The following TMEM132C variants were observed in gnomAD, a reference collection of about 807,000 sequenced individuals.
TMEM132C encodes the protein transmembrane protein 132C.
In TMEM132C, 29 loss-of-function variants were observed where a neutral mutation model predicts 61.4. The observed-to-expected ratio is 0.47, with a 90% confidence interval of 0.35 to 0.64. The LOEUF (loss-of-function observed/expected upper bound fraction) is 0.64, where lower values mean the gene tolerates loss of function less well. Ranked by LOEUF, TMEM132C falls within the 30% of genes least tolerant of loss-of-function variation. The pLI is 0.00. For synonymous variants in TMEM132C, 656 were observed against 633.1 expected, an observed-to-expected ratio of 1.04 and a Z score of -0.54; for missense variants, 1,408 against 1,476.9, an observed-to-expected ratio of 0.95 and a Z score of 0.76.
intron 3 of TMEM132C, among the ~76,000 whole-genome samples, chr12:128,598,043 A>G (rs6486705): frequency 0.73 from 110,943 of 152,224 alleles, 41,261 homozygotes; most frequent in Non-Finnish European, 0.8. Flanking sequence ...ACGTCCTCCT[A>G]ACGTGACAGC....
At position 128,574,352 on chromosome 12, in the gene TMEM132C, G is replaced by C. The variant is rs182049177; in HGVS notation, c.1121+30249G>C. ...CTCTCAAGCACCAGCTACATGCCGGGTACTGGCTGAAGCGCTTCGCTGCTA... is the reference window on the plus strand; with the variant it reads ...CTCTCAAGCACCAGCTACATGCCGGCTACTGGCTGAAGCGCTTCGCTGCTA... On this transcript the variant is annotated intron_variant, in intron 3 of 8. Transcript: ENST00000435159. Among the ~76,000 whole-genome samples, 289 of 152,354 alleles carry C rather than the reference G, an allele frequency of 1.9e-3. 2 individuals carry two copies. The highest frequency in any genetic ancestry group is 3.2e-3 in the Non-Finnish European group (221 of 68,042).
chr12:128,500,991 C>CAGTT (rs1872156758), intron 2 of TMEM132C, among the ~76,000 whole-genome samples: 1 of 152,128 alleles, frequency 6.6e-6, no homozygotes, highest in Admixed American at 6.5e-5. Context: ...ATACTATGGA[C>CAGTT]AGTTATTCAG....
At chr12:128,616,014 C>A in intron 3 of TMEM132C, 138 bp from the exon 4 acceptor site, 2 of 1,041,488 alleles carry the variant, frequency 1.9e-6, no homozygotes, top group Non-Finnish European at 2.7e-6. Context: ...TGGTTCCATG[C>A]CCCAGGATCC....
intron 2 of TMEM132C, among the ~76,000 whole-genome samples, chr12:128,473,824 C>T (rs1871068700): frequency 1.3e-5 from 2 of 152,160 alleles, no homozygotes; most frequent in African/African-American, 4.8e-5. Flanking sequence ...GGATTAAGGA[C>T]CCACCTAGAA....
chr12:128,620,230 C>G (rs374601080), intron 4 of TMEM132C, among the ~76,000 whole-genome samples: 16 of 84,144 alleles, frequency 1.9e-4, no homozygotes, highest in African/African-American at 1.1e-3. Flanking sequence ...GAGACCCTGT[C>G]TCAAAAAAAA....
chr12:128,478,089 G>A (rs1871209171), intron 2 of TMEM132C, among the ~76,000 whole-genome samples: 1 of 152,104 alleles, frequency 6.6e-6, no homozygotes, highest in African/African-American at 2.4e-5. Context: ...TTTTAAAGTT[G>A]CAACAGTTTG....
intron 1 of TMEM132C, among the ~76,000 whole-genome samples, chr12:128,333,766 T>A (rs1219998407): frequency 6.7e-6 from 1 of 150,232 alleles, no homozygotes; most frequent in East Asian, 2.0e-4. Context: ...TTTGAGAGTT[T>A]GTGGTATGTA....
At chr12:128,603,117 T>A (rs957724419) in intron 3 of TMEM132C, among the ~76,000 whole-genome samples, 4 of 152,186 alleles carry the variant, frequency 2.6e-5, no homozygotes, top group African/African-American at 9.7e-5. Context: ...CTAGGGGTCT[T>A]CATGACACAT....
At chr12:128,646,181 G>A (rs565467725) in intron 4 of TMEM132C, among the ~76,000 whole-genome samples, 10 of 152,268 alleles carry the variant, frequency 6.6e-5, no homozygotes, top group African/African-American at 2.2e-4. Context: ...TTGGATATGA[G>A]TGTGTTTACT....
intron 1 of TMEM132C, among the ~76,000 whole-genome samples, chr12:128,398,087 G>C (rs56385911): frequency 0.14 from 20,889 of 152,212 alleles, 1,705 homozygotes; most frequent in East Asian, 0.2. Context: ...AAGCTCAGAG[G>C]CCTCATCCAT....
intron 1 of TMEM132C, among the ~76,000 whole-genome samples, chr12:128,410,450 T>A (rs1868496726): frequency 1.3e-5 from 2 of 152,188 alleles, no homozygotes. Context: ...GTCTCCAGGC[T>A]AGAGTGCAGT....
intron 1 of TMEM132C, among the ~76,000 whole-genome samples, chr12:128,389,522 C>T (rs1346569244): frequency 6.6e-6 from 1 of 152,170 alleles, no homozygotes; most frequent in Non-Finnish European, 1.5e-5. Flanking sequence ...ACATAGGTAC[C>T]ATGCTAGCAG....
intron 2 of TMEM132C, among the ~76,000 whole-genome samples, chr12:128,508,833 G>T (rs550826036): frequency 1.3e-5 from 2 of 152,312 alleles, no homozygotes; most frequent in Admixed American, 1.3e-4. Flanking sequence ...TGGCATGAGG[G>T]TCATCATATC....
At chr12:128,513,347 G>C (rs922600908) in intron 2 of TMEM132C, among the ~76,000 whole-genome samples, 3 of 152,124 alleles carry the variant, frequency 2.0e-5, no homozygotes, top group Non-Finnish European at 4.4e-5. Context: ...GAGACAAGCT[G>C]TGCCAGGAAT....
At chr12:128,512,716 T>C (rs997917010) in intron 2 of TMEM132C, among the ~76,000 whole-genome samples, 1 of 152,118 alleles carries the variant, frequency 6.6e-6, no homozygotes, top group Non-Finnish European at 1.5e-5. Context: ...GGAAGGACTT[T>C]GTTGAATTTG....
intron 4 of TMEM132C, among the ~76,000 whole-genome samples, chr12:128,654,448 A>G (rs1197361143): frequency 4.6e-5 from 7 of 152,176 alleles, no homozygotes. Flanking sequence ...TGAGAGAATA[A>G]ATTTCAGTCG....
At chr12:128,532,345 A>G (rs541498573) in intron 2 of TMEM132C, among the ~76,000 whole-genome samples, 1 of 151,150 alleles carries the variant, frequency 6.6e-6, no homozygotes, top group African/African-American at 2.4e-5. Flanking sequence ...TTTCTAAAGA[A>G]AAAAAAAAGG....
chr12:128,639,046 A>G (rs570424933), intron 4 of TMEM132C, among the ~76,000 whole-genome samples: 3,756 of 72,690 alleles, frequency 0.052, 319 homozygotes, highest in African/African-American at 0.15. Context: ...GATGATGGTG[A>G]TAATGACAAT....
At chr12:128,664,769 C>G (rs1954439304) in intron 4 of TMEM132C, among the ~76,000 whole-genome samples, 1 of 152,160 alleles carries the variant, frequency 6.6e-6, no homozygotes, top group Non-Finnish European at 1.5e-5. Context: ...CACCGCCAGC[C>G]AGCCATGCAC....
Sources: gnomAD v4.1 joint callset for allele counts (sites outside exome capture counted in the v4.1 genomes callset) on GRCh38, gnomAD v4.1.1 for gene constraint, MANE v1.5 for transcripts, NCBI Gene and HGNC (gene_info 2026-07-23, HGNC 2026-07-21) for gene names.